CNBD1: variants seen among roughly 807,000 people sequenced by gnomAD.
CNBD1 encodes cyclic nucleotide binding domain containing 1.
In CNBD1, 71 loss-of-function variants were observed where a neutral mutation model predicts 54.4. The observed-to-expected ratio is 1.30, with a 90% CI of 1.08 to 1.59. The LOEUF is 1.59. CNBD1 is among the 40% of genes most tolerant of loss of function. CNBD1 has a pLI of 0.00. For missense variants in CNBD1, 659 were observed against 518.0 expected (o/e 1.27, Z -2.64); for synonymous variants, 182 against 170.7 (o/e 1.07, Z -0.51).
At chr8:86,997,954 T>G (rs1157305145) in intron 4 of CNBD1, among the ~76,000 whole-genome samples, 2 of 152,174 alleles carry the variant, frequency 1.3e-5, no homozygotes, top group African/African-American at 4.8e-5. Context: ...TTAAACACAT[T>G]TCTGTCCTTT....
At chr8:87,213,292 A>C (rs1326664154) in intron 5 of CNBD1, among the ~76,000 whole-genome samples, 1 of 152,212 alleles carries the variant, frequency 6.6e-6, no homozygotes, top group African/African-American at 2.4e-5. Context: ...GCAATTCCTC[A>C]AATATTAACC....
intron 4 of CNBD1, among the ~76,000 whole-genome samples, chr8:87,094,825 G>A (rs929653104): frequency 6.6e-6 from 1 of 152,188 alleles, no homozygotes; most frequent in Admixed American, 6.5e-5. Flanking sequence ...ATCACCTGAG[G>A]TCAGGAGTTC....
intron 3 of CNBD1, among the ~76,000 whole-genome samples, chr8:86,917,325 A>AT (rs948766644): frequency 1.3e-4 from 20 of 152,288 alleles, no homozygotes; most frequent in African/African-American, 3.6e-4. Flanking sequence ...GACCTTAGTA[A>AT]TTAAAAAATA....
At chr8:87,297,251 T>C (rs948362806) in intron 8 of CNBD1, among the ~76,000 whole-genome samples, 14 of 150,976 alleles carry the variant, frequency 9.3e-5, no homozygotes, top group Non-Finnish European at 1.9e-4. Flanking sequence ...GTGACCAACA[T>C]AAAAATTACT....
At chr8:87,170,958 T>G (rs1251871243) in intron 4 of CNBD1, among the ~76,000 whole-genome samples, 1 of 152,140 alleles carries the variant, frequency 6.6e-6, no homozygotes, top group African/African-American at 2.4e-5. Context: ...ATCGGAGATA[T>G]TGGTCTGTAG....
At chr8:86,973,719 A>G (rs1302731203) in intron 4 of CNBD1, among the ~76,000 whole-genome samples, 1 of 152,188 alleles carries the variant, frequency 6.6e-6, no homozygotes, top group Non-Finnish European at 1.5e-5. Flanking sequence ...TACCAGGTGG[A>G]ATTCCACAGA....
intron 4 of CNBD1, among the ~76,000 whole-genome samples, chr8:87,111,948 C>T (rs1399776716): frequency 6.6e-6 from 1 of 152,178 alleles, no homozygotes; most frequent in Non-Finnish European, 1.5e-5. Flanking sequence ...TTATCTCCTA[C>T]CTACAGAGCA....
At chr8:87,295,420 T>G (rs1452988392) in intron 8 of CNBD1, among the ~76,000 whole-genome samples, 2 of 151,662 alleles carry the variant, frequency 1.3e-5, no homozygotes, top group Non-Finnish European at 2.9e-5. Flanking sequence ...TACTGCTTAT[T>G]TAAATAATTA....
chr8:87,084,575 T>G (rs755021448), intron 4 of CNBD1, among the ~76,000 whole-genome samples: 1 of 152,174 alleles, frequency 6.6e-6, no homozygotes, highest in Non-Finnish European at 1.5e-5. Flanking sequence ...ATTCCTGTAT[T>G]GTATGAAATG....
chr8:87,383,412 G>A (rs192170381), downstream of CNBD1, among the ~76,000 whole-genome samples: 3 of 152,132 alleles, frequency 2.0e-5, no homozygotes, highest in Admixed American at 6.6e-5. Flanking sequence ...AATATTAGGT[G>A]CTCTAAAAAT....
At position 86,890,888 on chromosome 8, in the gene CNBD1, A is replaced by T. The variant is rs150649800; in HGVS notation, c.158+3277A>T. On this transcript the variant is annotated intron_variant, in intron 2 of 10. Coordinates refer to ENST00000518476, the MANE Select transcript of CNBD1 (RefSeq NM_173538.3). Reference sequence around the variant, plus strand: ...TTTTTCATGAACACATTGGCTATACATATGTCTTCTTTGGTAAAGTAGGTG... The same window carrying T: ...TTTTTCATGAACACATTGGCTATACTTATGTCTTCTTTGGTAAAGTAGGTG... Among the ~76,000 whole-genome samples the T allele has an allele frequency of 6.0e-3, 912 of 151,710 alleles. 11 individuals carry two copies. The highest frequency in any genetic ancestry group is 0.02 in the African/African-American group (848 of 41,408).
At chr8:87,198,297 C>A (rs1813763836) in intron 4 of CNBD1, among the ~76,000 whole-genome samples, 6 of 152,160 alleles carry the variant, frequency 3.9e-5, no homozygotes, top group Admixed American at 3.9e-4. Context: ...GAGAGCATAC[C>A]ACAATGTGAC....
At position 86,911,870 on chromosome 8, in the gene CNBD1, C is replaced by T. The variant is rs1272544594; in HGVS notation, c.272+6676C>T. ...AAAGCAATCCCATTTACAATAGACACAAAAATTGTAAAATGCCTAGGAAAA... is the reference window on the plus strand; with the variant it reads ...AAAGCAATCCCATTTACAATAGACATAAAAATTGTAAAATGCCTAGGAAAA... On this transcript the variant is annotated intron_variant, in intron 3 of 10. Coordinates refer to ENST00000518476, the MANE Select transcript of CNBD1 (RefSeq NM_173538.3). 2.0e-5 allele frequency among the ~76,000 whole-genome samples: 3 copies of T among 151,984 alleles called. No individual in the cohort carries two copies. The East Asian group carries it at 5.8e-4, about 29-fold the overall frequency.
chr8:87,167,881 G>A (rs983684760), intron 4 of CNBD1, among the ~76,000 whole-genome samples: 3 of 151,812 alleles, frequency 2.0e-5, no homozygotes, highest in African/African-American at 7.3e-5. Context: ...CAATGTCATA[G>A]GGTATACTTT....
chr8:87,229,007 ATTTTCCAGG>A (rs1220161185), intron 5 of CNBD1, among the ~76,000 whole-genome samples: 41 of 152,044 alleles, frequency 2.7e-4, no homozygotes, highest in African/African-American at 9.9e-4. Context: ...GATTTTCCCG[ATTTTCCAGG>A]TGCGGTCCCT....
At chr8:87,391,397 G>T (rs75087045) in intron 2 of CNBD1, among the ~76,000 whole-genome samples, 10 of 152,212 alleles carry the variant, frequency 6.6e-5, no homozygotes, top group African/African-American at 2.2e-4. Flanking sequence ...AAGAGTTTCA[G>T]AGTTGCCAGA....
intron 10 of CNBD1, among the ~76,000 whole-genome samples, chr8:87,362,998 T>C (rs1030881091): frequency 8.6e-5 from 13 of 152,024 alleles, no homozygotes; most frequent in Admixed American, 1.3e-4. Context: ...ATGCTATCCC[T>C]CCTCTAGTAC....
chr8:87,009,134 A>AT (rs1295372416), intron 4 of CNBD1, among the ~76,000 whole-genome samples: 1 of 151,810 alleles, frequency 6.6e-6, no homozygotes, highest in African/African-American at 2.4e-5. Flanking sequence ...TATCTCTTTA[A>AT]TTTACTAGAG....
chr8:87,086,234 C>T (rs956468612), intron 4 of CNBD1, among the ~76,000 whole-genome samples: 5 of 152,162 alleles, frequency 3.3e-5, no homozygotes, highest in Non-Finnish European at 7.3e-5. Context: ...GTTTTTCTTA[C>T]TGGGTTATAA....
Sources: allele counts gnomAD v4.1 joint callset (sites outside exome capture counted in the v4.1 genomes callset), GRCh38; gene constraint gnomAD v4.1.1; transcripts MANE v1.5; gene names NCBI Gene and HGNC (gene_info 2026-07-23, HGNC 2026-07-21).